Variants in DENND1B observed in about 807,000 individuals in gnomAD.
The protein encoded by DENND1B is DENN domain containing 1B.
Under a neutral mutation model 90.1 loss-of-function variants are expected in DENND1B, and 59 were observed. That is an observed-to-expected ratio of 0.65 (90% confidence interval 0.53 to 0.81). DENND1B has a LOEUF of 0.81. Ranked by LOEUF, DENND1B falls within the 40% of genes least tolerant of loss-of-function variation. DENND1B has a pLI of 0.00. For missense variants in DENND1B, 862 were observed against 912.6 expected (o/e 0.94, Z 0.71); for synonymous variants, 337 against 324.6 (o/e 1.04, Z -0.41).
At chr1:197,755,873 G>C (rs934242749) in intron 2 of DENND1B, among the ~76,000 whole-genome samples, 1 of 152,158 alleles carries the variant, frequency 6.6e-6, no homozygotes, top group Admixed American at 6.5e-5. Context: ...GCACAGGAAA[G>C]ACCCATCCCC....
At chr1:197,701,429 G>T (rs1051556413) in intron 3 of DENND1B, among the ~76,000 whole-genome samples, 6 of 152,144 alleles carry the variant, frequency 3.9e-5, no homozygotes, top group African/African-American at 1.4e-4. Context: ...GGGCCCATTC[G>T]GGGGCCAGGG....
intron 15 of DENND1B, among the ~76,000 whole-genome samples, chr1:197,560,321 A>C (rs184499247): frequency 8.6e-5 from 13 of 152,000 alleles, no homozygotes; most frequent in Admixed American, 6.6e-4. Flanking sequence ...AAGCAGGCAA[A>C]AATCCAAGCC....
chr1:197,780,832 G>C, the DENND1B span, among the ~76,000 whole-genome samples: 2 of 151,984 alleles, frequency 1.3e-5, no homozygotes, highest in Non-Finnish European at 2.9e-5. Context: ...CACCTAATAA[G>C]GTCCACTTTC....
At chr1:197,615,231 A>T (rs1222000426) in intron 11 of DENND1B, among the ~76,000 whole-genome samples, 1 of 151,148 alleles carries the variant, frequency 6.6e-6, no homozygotes, top group Admixed American at 6.6e-5. Flanking sequence ...TTACACACTC[A>T]CAGCTTGGCA....
At chr1:197,539,869 T>A in intron 20 of DENND1B, 95 bp downstream of exon 20, 1 of 1,054,750 alleles carries the variant, frequency 9.5e-7, no homozygotes, top group Non-Finnish European at 1.4e-6. Flanking sequence ...TCATATAAGA[T>A]AAAAAATTAG....
rs78924352 is a variant in DENND1B, at chr1:197,675,642, G to A, written c.127-1473C>T. Among the ~76,000 whole-genome samples, 1,378 of 152,134 alleles carry A rather than the reference G, an allele frequency of 9.1e-3. 19 individuals carry two copies. Among genetic ancestry groups the A allele is most frequent in the African/African-American group, 0.028 (1,171 of 41,510 alleles). On this transcript the variant is annotated intron_variant, in intron 3 of 22. Transcript: ENST00000620048. ...TCTGTAAACTGAAAAACAGTTCATT[G>A]CAAATGAGACCAGTTCATTTTCATT...
At chr1:197,644,522 G>T (rs1055171932) in intron 9 of DENND1B, among the ~76,000 whole-genome samples, 12 of 152,100 alleles carry the variant, frequency 7.9e-5, no homozygotes, top group Non-Finnish European at 1.6e-4. Context: ...AAGGGACAAG[G>T]GTCATATAAG....
At chr1:197,762,124 T>G (rs978571682) in intron 2 of DENND1B, among the ~76,000 whole-genome samples, 23 of 152,160 alleles carry the variant, frequency 1.5e-4, no homozygotes, top group African/African-American at 4.3e-4. Context: ...GTAAGATACC[T>G]TCCCAAAATC....
At chr1:197,605,127 C>T (rs1676555292) in intron 13 of DENND1B, among the ~76,000 whole-genome samples, 2 of 150,844 alleles carry the variant, frequency 1.3e-5, no homozygotes, top group South Asian at 4.2e-4. Flanking sequence ...TAATTTTTAT[C>T]TATATTTTTA....
In DENND1B at chr1:197,561,126, C is replaced by A. The variant is rs1672126099; in HGVS notation, c.1150-8014G>T. On this transcript the variant is annotated intron_variant, in intron 15 of 22. Coordinates refer to ENST00000620048, the MANE Select transcript of DENND1B (RefSeq NM_001195215.2). ...CATGTTATTTCTTCTCTTGACCCCA[C>A]TTACTTCTCTAGTTATGTGCTATTC... Among the ~76,000 whole-genome samples the A allele has an allele frequency of 3.3e-5, 5 of 152,076 alleles. No homozygotes were observed. In the South Asian group the frequency reaches 1.0e-3, roughly 32 times the overall value.
intron 10 of DENND1B, among the ~76,000 whole-genome samples, chr1:197,626,424 T>C (rs957183278): frequency 1.3e-5 from 2 of 152,086 alleles, no homozygotes; most frequent in African/African-American, 4.8e-5. Flanking sequence ...GAATGACTAC[T>C]GGGTACATAA....
intron 2 of DENND1B, among the ~76,000 whole-genome samples, chr1:197,727,639 TG>T (rs1420919814): frequency 6.6e-6 from 1 of 152,174 alleles, no homozygotes; most frequent in Non-Finnish European, 1.5e-5. Context: ...GATCTGATTT[TG>T]AGGCCAATTG....
chr1:197,529,240 A>ATGTGTGTGTG (rs1390188600), intron 20 of DENND1B, among the ~76,000 whole-genome samples: 2 of 9,410 alleles, frequency 2.1e-4, no homozygotes, highest in African/African-American at 4.3e-4. Flanking sequence ...ATATATATAT[A>ATGTGTGTGTG]TATGTGTGTG....
intron 10 of DENND1B, among the ~76,000 whole-genome samples, chr1:197,627,575 C>T (rs1417922216): frequency 6.6e-6 from 1 of 151,988 alleles, no homozygotes; most frequent in East Asian, 1.9e-4. Flanking sequence ...CAATATCATA[C>T]TGAATGGGCA....
At chr1:197,632,340 T>C (rs867471690) in intron 10 of DENND1B, among the ~76,000 whole-genome samples, 1 of 152,160 alleles carries the variant, frequency 6.6e-6, no homozygotes, top group Middle Eastern at 3.4e-3. Context: ...GATTTCTCTC[T>C]CTCCCACTCT....
At chr1:197,667,274 T>C (rs1156880216) in intron 5 of DENND1B, among the ~76,000 whole-genome samples, 2 of 152,146 alleles carry the variant, frequency 1.3e-5, no homozygotes, top group Non-Finnish European at 2.9e-5. Context: ...ATCATTGCCA[T>C]CTGGTTGAAC....
intron 3 of DENND1B, chr1:197,690,360 G>A (rs185454501): frequency 5.8e-6 from 1 of 171,026 alleles, no homozygotes; most frequent in East Asian, 1.8e-4. Context: ...CACAGCTTAT[G>A]TTGCTTGCAA....
intron 1 of DENND1B, among the ~76,000 whole-genome samples, chr1:197,774,827 C>T (rs1051308269): frequency 1.3e-5 from 2 of 152,202 alleles, no homozygotes; most frequent in Non-Finnish European, 2.9e-5. Context: ...AACCCCTCAG[C>T]GGCGGTGTCA....
chr1:197,752,460 G>A (rs1318031130), intron 2 of DENND1B, among the ~76,000 whole-genome samples: 1 of 151,776 alleles, frequency 6.6e-6, no homozygotes, highest in Non-Finnish European at 1.5e-5. Flanking sequence ...TCTATCAAAC[G>A]TTTAAAACAA....
Sources: allele counts gnomAD v4.1 joint callset (sites outside exome capture counted in the v4.1 genomes callset), GRCh38; gene constraint gnomAD v4.1.1; transcripts MANE v1.5; gene names NCBI Gene and HGNC (gene_info 2026-07-23, HGNC 2026-07-21).